Variants in ZNF90 observed in about 807,000 individuals in gnomAD.
ZNF90 encodes zinc finger protein 90, also known as zinc finger protein HTF9.
In ZNF90, 11 loss-of-function variants were observed where a neutral mutation model predicts 12.0. That is an observed-to-expected ratio of 0.92 (90% CI 0.58 to 1.52). The LOEUF is 1.52. ZNF90 is among the 40% of genes most tolerant of loss of function. The pLI is 0.00. For synonymous variants in ZNF90, 232 were observed against 240.1 expected (o/e 0.97, Z 0.31); for missense variants, 765 against 711.5 (o/e 1.08, Z -0.86).
chr19:20,108,645 A>T (rs1360405245), intron 3 of ZNF90, among the ~76,000 whole-genome samples: 2 of 151,752 alleles, frequency 1.3e-5, no homozygotes, highest in Admixed American at 1.3e-4. Flanking sequence ...TGATACATTA[A>T]TGTAGCATAC....
intron 3 of ZNF90, among the ~76,000 whole-genome samples, chr19:20,109,546 CAT>C (rs2089068385): frequency 6.6e-6 from 1 of 151,850 alleles, no homozygotes; most frequent in Non-Finnish European, 1.5e-5. Flanking sequence ...AAACACATAA[CAT>C]AAAATTTACC....
intron 3 of ZNF90, among the ~76,000 whole-genome samples, chr19:20,112,475 C>T (rs1555705236): frequency 6.6e-6 from 1 of 151,942 alleles, no homozygotes; most frequent in Non-Finnish European, 1.5e-5. Flanking sequence ...GTGTGTGCCA[C>T]CACACCTGGG....
chr19:20,092,840 AGT>A (rs1195426747), intron 1 of ZNF90, among the ~76,000 whole-genome samples: 2 of 151,986 alleles, frequency 1.3e-5, no homozygotes, highest in African/African-American at 4.8e-5. Context: ...AAGGAGCAGA[AGT>A]GTGTCTTGTT....
chr19:20,082,600 T>C (rs955814405), intron 1 of ZNF90, among the ~76,000 whole-genome samples: 1 of 152,184 alleles, frequency 6.6e-6, no homozygotes, highest in Non-Finnish European at 1.5e-5. Flanking sequence ...CACCACTCCC[T>C]AATCTCAAGT....
At chr19:20,079,045 G>C (rs1183906105) in intron 1 of ZNF90, among the ~76,000 whole-genome samples, 2 of 151,586 alleles carry the variant, frequency 1.3e-5, no homozygotes, top group African/African-American at 2.4e-5. Context: ...CTTGAACTCG[G>C]GAGGCAGAGG....
chr19:20,085,068 T>C (rs1555701901), intron 1 of ZNF90, among the ~76,000 whole-genome samples: 1 of 152,140 alleles, frequency 6.6e-6, no homozygotes, highest in Non-Finnish European at 1.5e-5. Flanking sequence ...ATTTAATTTT[T>C]TAATTTATCT....
chr19:20,086,299 AT>A (rs2088859428), intron 1 of ZNF90, among the ~76,000 whole-genome samples: 1 of 141,674 alleles, frequency 7.1e-6, no homozygotes, highest in Non-Finnish European at 1.5e-5. Flanking sequence ...CAGTGGCGTA[AT>A]TTCAGCTCAC....
intron 3 of ZNF90, among the ~76,000 whole-genome samples, chr19:20,107,632 C>T (rs927631417): frequency 2.6e-5 from 4 of 152,144 alleles, no homozygotes; most frequent in African/African-American, 7.2e-5. Flanking sequence ...GCATTTTTGT[C>T]AGGGATGGCT....
chr19:20,102,940 G>A (rs1484000980), intron 1 of ZNF90, among the ~76,000 whole-genome samples: 4 of 152,186 alleles, frequency 2.6e-5, no homozygotes, highest in African/African-American at 9.7e-5. Flanking sequence ...TCTGTACTTT[G>A]AAGTTTGTAT....
intron 3 of ZNF90, among the ~76,000 whole-genome samples, chr19:20,115,739 C>T (rs1437327290): frequency 4.6e-5 from 7 of 151,708 alleles, no homozygotes; most frequent in African/African-American, 1.7e-4. Context: ...ATAAATTTTT[C>T]AGTTACTTTT....
At chr19:20,089,823 C>G (rs540344565) in intron 1 of ZNF90, among the ~76,000 whole-genome samples, 1 of 152,204 alleles carries the variant, frequency 6.6e-6, no homozygotes, top group East Asian at 1.9e-4. Flanking sequence ...GTGGGGACAG[C>G]TGTGTAGGCA....
At chr19:20,110,110 A>C (rs2089073970) in intron 3 of ZNF90, among the ~76,000 whole-genome samples, 1 of 152,186 alleles carries the variant, frequency 6.6e-6, no homozygotes, top group African/African-American at 2.4e-5. Flanking sequence ...AAATGTGACA[A>C]GATTGTTCTT....
rs1402705680 is a variant in ZNF90 at position 20,118,664 on chromosome 19, G to C, written c.1110G>C (p.Lys370Asn). The C allele has an allele frequency of 6.4e-7, 1 of 1,565,238 alleles. No homozygotes were observed. The highest frequency in any genetic ancestry group is 1.4e-5 in the African/African-American group (1 of 72,600). The change falls in exon 4 of 4, where the codon AAG becomes AAC. Residue 370 changes from lysine to asparagine, a missense_variant. By Grantham distance (94) the Lys-to-Asn change is moderately conservative. Transcript: ENST00000418063. ...KRIHTGEKPY[K>N]CDKCGKAFIS... is the part of the protein sequence containing the mutation. ...TTCATACTGGAGAGAAACCCTACAA[G>C]TGTGATAAATGTGGCAAAGCATTTA...
At chr19:20,103,189 C>G (rs1469413680) in intron 1 of ZNF90, among the ~76,000 whole-genome samples, 1 of 152,140 alleles carries the variant, frequency 6.6e-6, no homozygotes, top group Admixed American at 6.5e-5. Flanking sequence ...TATTGGTAAT[C>G]CAACAGAGAA....
chr19:20,101,108 C>T (rs1555703821), intron 1 of ZNF90, among the ~76,000 whole-genome samples: 1 of 152,124 alleles, frequency 6.6e-6, no homozygotes, highest in African/African-American at 2.4e-5. Context: ...CCATCCCAGA[C>T]CCACTGAAGA....
rs2089163223 is a variant in ZNF90, at chr19:20,118,505, ATG to A, written c.954_955del (p.Cys318TrpfsTer11). 1.2e-6 allele frequency: 2 copies of A among 1,613,800 alleles called. No individual in the cohort carries two copies. Among genetic ancestry groups the A allele is most frequent in the Middle Eastern group, 1.6e-4 (1 of 6,062 alleles). On this transcript the variant is annotated frameshift_variant, in exon 4 of 4. Transcript: ENST00000418063. LOFTEE classifies it low-confidence loss of function (END_TRUNC). ...AAGAGAAACCCTACAAATGTGAAGA[ATG>A]TGGCAAAGCCTTCAAGCTCTCCTCA... Reference protein sequence around the residue: ...TEEKPYKCEECGKAFKLSSIL... With the variant: ...TEEKPYKCEEXGKAFKLSSIL...
At chr19:20,088,863 G>A (rs1482433399) in intron 1 of ZNF90, among the ~76,000 whole-genome samples, 3 of 152,146 alleles carry the variant, frequency 2.0e-5, no homozygotes, top group Admixed American at 6.5e-5. Flanking sequence ...AGTCCTAAAC[G>A]GACCATCAAG....
intron 3 of ZNF90, among the ~76,000 whole-genome samples, chr19:20,113,823 G>A (rs2089113155): frequency 1.3e-5 from 2 of 151,924 alleles, no homozygotes; most frequent in Non-Finnish European, 2.9e-5. Context: ...GTGAGACCTG[G>A]TCTCAAAAAC....
At position 20,099,143 on chromosome 19, in the gene ZNF90, C is replaced by T. The variant is rs186187443; in HGVS notation, c.4-5096C>T. On this transcript the variant is annotated intron_variant, in intron 1 of 3. Transcript: ENST00000418063. ...TGTTGTGACTTCTGATGTCTACACC[C>T]GAAGGGCTATTTATGAACAGAAGAA... Among the ~76,000 whole-genome samples the T allele has an allele frequency of 4.6e-3, 704 of 152,002 alleles. 14 individuals are homozygous for T. The highest frequency in any genetic ancestry group is 0.015 in the African/African-American group (626 of 41,462).
Sources: allele counts gnomAD v4.1 joint callset (sites outside exome capture counted in the v4.1 genomes callset), GRCh38; gene constraint gnomAD v4.1.1; transcripts MANE v1.5; gene names NCBI Gene and HGNC (gene_info 2026-07-23, HGNC 2026-07-21).